CRIM1: variants seen among roughly 807,000 people sequenced by gnomAD.
CRIM1 encodes cysteine-rich motor neuron 1 protein.
A neutral mutation model predicts 116.4 loss-of-function variants in CRIM1; 32 were observed. That is an observed-to-expected ratio of 0.27 (90% confidence interval 0.21 to 0.37). CRIM1 has a LOEUF of 0.37. Among genes scored for constraint, CRIM1 ranks in the 10% least tolerant of loss-of-function variants. The pLI, the probability that CRIM1 is intolerant of heterozygous loss-of-function variation, is 1.00. For synonymous variants in CRIM1, 590 were observed against 509.2 expected (o/e 1.16, Z -2.13); for missense variants, 1,331 against 1,354.8 (o/e 0.98, Z 0.28).
chr2:36,489,379 C>T (rs931598950), intron 7 of CRIM1, among the ~76,000 whole-genome samples: 6 of 152,190 alleles, frequency 3.9e-5, no homozygotes, highest in Non-Finnish European at 8.8e-5. Context: ...GGGATGGCCT[C>T]GGGCCTTGCA....
chr2:36,416,783 G>C (rs1673653853), intron 2 of CRIM1, among the ~76,000 whole-genome samples: 2 of 152,322 alleles, frequency 1.3e-5, no homozygotes, highest in African/African-American at 4.8e-5. Flanking sequence ...GCCATATCCA[G>C]ACCAGTAGCT....
At chr2:36,523,720 T>A (rs1665570775) in intron 13 of CRIM1, among the ~76,000 whole-genome samples, 1 of 152,226 alleles carries the variant, frequency 6.6e-6, no homozygotes. Flanking sequence ...CACAAGTCAT[T>A]GCATATATCT....
chr2:36,534,731 T>TGGAA (rs923751204), intron 13 of CRIM1, among the ~76,000 whole-genome samples: 5 of 131,268 alleles, frequency 3.8e-5, no homozygotes, highest in African/African-American at 1.2e-4. Context: ...AAAAGGAAGA[T>TGGAA]GGAAGGAAGG....
intron 2 of CRIM1, among the ~76,000 whole-genome samples, chr2:36,408,280 A>G (rs975235543): frequency 1.3e-5 from 2 of 152,204 alleles, no homozygotes; most frequent in African/African-American, 4.8e-5. Context: ...TAGCAGGGTG[A>G]CATGTTCACT....
chr2:36,441,338 G>A lies in CRIM1; in HGVS notation c.586G>A (p.Gly196Ser), dbSNP rs1480704767. 5.0e-6 allele frequency: 8 copies of A among 1,614,048 alleles called. No homozygotes were observed. The highest frequency in any genetic ancestry group is 6.8e-6 in the Non-Finnish European group (8 of 1,180,028). The change falls in exon 3 of 17, where the codon GGT becomes AGT. Residue 196 changes from glycine to serine, a missense_variant. Transcript: ENST00000280527. ...RCPEDSVLIE[G>S]YAPPGECCPL... Reference sequence around the variant, plus strand: ...TCCTGAAGATTCTGTTCTGATCGAGGGTTATGCTCCTCCTGGGGAGTGCTG... The same window carrying A: ...TCCTGAAGATTCTGTTCTGATCGAGAGTTATGCTCCTCCTGGGGAGTGCTG...
Position 36,550,063 on chromosome 2 carries a change from G to C in CRIM1, c.*1362G>C, listed in dbSNP as rs1667651170. On this transcript the variant is annotated 3_prime_UTR_variant, in exon 17 of 17. Transcript: ENST00000280527. ...TGTATGTGTGTGTGTGTGTGTGTGT[G>C]TGTGCGCGCGCACGCACGCCTTGAG... 1 of 148,510 alleles carries C rather than the reference G, an allele frequency of 6.7e-6. No individual in the cohort carries two copies. Among genetic ancestry groups the C allele is most frequent in the Admixed American group, 6.7e-5 (1 of 14,882 alleles). The allele number at this position is 148,510 out of a possible 1,614,324, so 9.2% of individuals were successfully genotyped here.
At chr2:36,451,967 A>G (rs1293054382) in intron 4 of CRIM1, among the ~76,000 whole-genome samples, 3 of 152,288 alleles carry the variant, frequency 2.0e-5, no homozygotes, top group Non-Finnish European at 4.4e-5. Flanking sequence ...TAAGTTGCTT[A>G]TATCATGCCT....
chr2:36,479,810 T>TC lies in CRIM1; in HGVS notation c.1372+116_1372+117insC, dbSNP rs1352174217. 5.0e-6 allele frequency: 5 copies of TC among 996,254 alleles called. No individual in the cohort carries two copies. In the African/African-American group the frequency reaches 8.0e-5, roughly 16 times the overall value. The allele number at this position is 996,254 out of a possible 1,614,324, so 61.7% of individuals were successfully genotyped here. A position where few individuals can be genotyped will look rare whatever the true frequency, so the allele number is the denominator to read the frequency against. On this transcript the variant is annotated intron_variant, in intron 7 of 16. Coordinates refer to ENST00000280527, the MANE Select transcript of CRIM1 (RefSeq NM_016441.3). Reference sequence around the variant, plus strand: ...GGGCATAATGTCTGCTTCACGCTGTTACCAGTTGCCAACAAATTTATCAAA... The same window carrying TC: ...GGGCATAATGTCTGCTTCACGCTGTTCACCAGTTGCCAACAAATTTATCAAA...
intron 5 of CRIM1, among the ~76,000 whole-genome samples, chr2:36,470,617 C>A (rs182164066): frequency 5.9e-5 from 9 of 152,310 alleles, no homozygotes; most frequent in African/African-American, 1.2e-4. Context: ...AGACCTACTA[C>A]TCAGAAAAAG....
At chr2:36,540,666 G>A (rs1207759899) in intron 14 of CRIM1, among the ~76,000 whole-genome samples, 4 of 149,054 alleles carry the variant, frequency 2.7e-5, no homozygotes, top group Non-Finnish European at 4.5e-5. Context: ...GAATGGGGAG[G>A]CTTATTTTTG....
intron 7 of CRIM1, among the ~76,000 whole-genome samples, chr2:36,488,276 A>T (rs550512451): frequency 1.3e-5 from 2 of 152,348 alleles, no homozygotes; most frequent in East Asian, 3.9e-4. Context: ...AGGTTCAAAG[A>T]GGGGAAATGT....
chr2:36,469,429 A>G (rs904456895), intron 5 of CRIM1, among the ~76,000 whole-genome samples: 30 of 152,222 alleles, frequency 2.0e-4, no homozygotes, highest in Non-Finnish European at 4.0e-4. Flanking sequence ...GCCTGGATGA[A>G]GGTCATGTTG....
chr2:36,356,581 A>G lies in CRIM1; in HGVS notation c.289A>G (p.Asn97Asp). The G allele has an allele frequency of 6.2e-7, 1 of 1,611,946 alleles. No homozygotes were observed. The highest frequency in any genetic ancestry group is 8.5e-7 in the Non-Finnish European group (1 of 1,179,768). ...GCGTTGTGTCATCCGCCCCCCGCTC[A>G]ATGGCGACTCCCTCACCGAGTACGA... ...GLRCVIRPPL[N>D]GDSLTEYEAG... Residue 97 changes from asparagine (N) to aspartate (D), a missense_variant, in exon 1 of 17, where the codon AAT (asparagine) becomes GAT (aspartate). Asn to Asp is a conservative substitution (Grantham distance 23, BLOSUM62 1). Coordinates refer to ENST00000280527, the MANE Select transcript of CRIM1 (RefSeq NM_016441.3). The surrounding 1 kb of genome is among the most constrained non-coding windows in gnomAD (Gnocchi z 4.3).
chr2:36,539,184 AG>A (rs1373148390), intron 14 of CRIM1, among the ~76,000 whole-genome samples: 1 of 152,144 alleles, frequency 6.6e-6, no homozygotes, highest in African/African-American at 2.4e-5. Flanking sequence ...TGTATTATGT[AG>A]AATGGTCAGG....
chr2:36,470,572 A>T (rs1678418860), intron 5 of CRIM1, among the ~76,000 whole-genome samples: 1 of 152,224 alleles, frequency 6.6e-6, no homozygotes, highest in African/African-American at 2.4e-5. Flanking sequence ...CCTGGATGAC[A>T]GCATGGTTTA....
intron 13 of CRIM1, among the ~76,000 whole-genome samples, chr2:36,534,328 G>T (rs1157004077): frequency 8.6e-6 from 1 of 116,528 alleles, no homozygotes; most frequent in Non-Finnish European, 1.7e-5. Context: ...GAAAGAAGGA[G>T]AAAAGGAGGG....
chr2:36,450,752 A>T (rs1391875818), intron 4 of CRIM1, among the ~76,000 whole-genome samples: 2 of 152,200 alleles, frequency 1.3e-5, no homozygotes, highest in East Asian at 3.9e-4. Flanking sequence ...GAAGGTCATC[A>T]ATGTCGTTTG....
chr2:36,443,927 T>G (rs566029085), intron 4 of CRIM1, among the ~76,000 whole-genome samples: 2 of 152,352 alleles, frequency 1.3e-5, no homozygotes, highest in African/African-American at 4.8e-5. Flanking sequence ...TAACATACAT[T>G]GGTGCAGCCA....
chr2:36,420,537 G>C (rs138435098), intron 2 of CRIM1, among the ~76,000 whole-genome samples: 2 of 152,304 alleles, frequency 1.3e-5, no homozygotes, highest in East Asian at 3.9e-4. Context: ...AAGGACACTA[G>C]ATCCCTTTCT....
Sources: allele counts gnomAD v4.1 joint callset (sites outside exome capture counted in the v4.1 genomes callset), GRCh38; gene constraint gnomAD v4.1.1; non-coding constraint Gnocchi (gnomAD v3.1); transcripts MANE v1.5; gene names NCBI Gene and HGNC (gene_info 2026-07-23, HGNC 2026-07-21).